The following SCFD2 variants were observed in gnomAD, a reference collection of about 807,000 sequenced individuals.
The protein encoded by SCFD2 is sec1 family domain-containing protein 2.
SCFD2 carries 54 observed loss-of-function variants against 58.9 expected under a neutral mutation model. The observed-to-expected ratio is 0.92, with a 90% CI of 0.74 to 1.15. The LOEUF (loss-of-function observed/expected upper bound fraction) is 1.15, where lower values mean the gene tolerates loss of function less well. Ranked by LOEUF, SCFD2 falls within the 50% of genes most tolerant of loss-of-function variation. SCFD2 has a pLI of 0.00. For missense variants in SCFD2, 805 were observed against 836.6 expected (o/e 0.96, Z 0.47); for synonymous variants, 321 against 335.9 (o/e 0.96, Z 0.49).
At position 53,248,896 on chromosome 4, in the gene SCFD2, G is replaced by A. The variant is rs180997195; in HGVS notation, c.1311+24930C>T. ...AACTCGAAATTCTAAAAAGCAGAGCGCCTCTCCTCCTCCAAAGGAACGCAG... is the reference window on the plus strand; with the variant it reads ...AACTCGAAATTCTAAAAAGCAGAGCACCTCTCCTCCTCCAAAGGAACGCAG... On this transcript the variant is annotated intron_variant, in intron 4 of 8. Coordinates refer to ENST00000401642, the MANE Select transcript of SCFD2 (RefSeq NM_152540.4). 5.1e-3 allele frequency among the ~76,000 whole-genome samples: 779 copies of A among 152,326 alleles called. 2 individuals carry two copies. The highest frequency in any genetic ancestry group is 0.018 in the African/African-American group (746 of 41,570).
chr4:52,937,078 G>A (rs1403768877), intron 5 of SCFD2, among the ~76,000 whole-genome samples: 1 of 152,220 alleles, frequency 6.6e-6, no homozygotes, highest in Non-Finnish European at 1.5e-5. Flanking sequence ...AATGGAGGTA[G>A]GGGATATTTT....
chr4:52,971,248 C>T lies in SCFD2; in HGVS notation c.1562-50378G>A, dbSNP rs575660423. On this transcript the variant is annotated intron_variant, in intron 5 of 8. Coordinates refer to ENST00000401642, the MANE Select transcript of SCFD2 (RefSeq NM_152540.4). ...AAAAGGAGGAAGTTTGAACCCATGG[C>T]AAAGAAGCTAAAAACCTTGAAAAAA... Among the ~76,000 whole-genome samples the T allele has an allele frequency of 2.0e-5, 3 of 152,122 alleles. No homozygotes were observed. In the South Asian group the frequency reaches 6.2e-4, roughly 32 times the overall value.
intron 3 of SCFD2, among the ~76,000 whole-genome samples, chr4:53,303,172 G>A (rs1348499296): frequency 6.6e-6 from 1 of 152,160 alleles, no homozygotes; most frequent in Admixed American, 6.6e-5. Context: ...GCAACCTACA[G>A]AATGGGAGAA....
chr4:52,907,310 G>C (rs1166783071), intron 7 of SCFD2, 147 bp downstream of exon 7: 1 of 763,458 alleles, frequency 1.3e-6, no homozygotes, highest in Non-Finnish European at 2.2e-6. Context: ...ATAATCAAAA[G>C]ATAAAGATTG....
At chr4:53,144,264 C>G (rs1726252386) in intron 5 of SCFD2, among the ~76,000 whole-genome samples, 1 of 150,928 alleles carries the variant, frequency 6.6e-6, no homozygotes, top group East Asian at 1.9e-4. Context: ...CTGGGCAACA[C>G]AGTGAGGCCC....
intron 5 of SCFD2, among the ~76,000 whole-genome samples, chr4:53,007,339 A>AGAGAGAGAGG (rs1721996569): frequency 7.8e-6 from 1 of 128,006 alleles, no homozygotes; most frequent in Non-Finnish European, 1.6e-5. Context: ...AGAGAGGGAG[A>AGAGAGAGAGG]GAGAGAGAGA....
intron 5 of SCFD2, among the ~76,000 whole-genome samples, chr4:52,973,661 T>G (rs2109555398): frequency 6.6e-6 from 1 of 152,330 alleles, no homozygotes; most frequent in South Asian, 2.1e-4. Context: ...CCTCCCTCAC[T>G]CATTTTATGA....
At chr4:53,335,208 A>AC (rs1366649171) in intron 2 of SCFD2, among the ~76,000 whole-genome samples, 87 of 146,798 alleles carry the variant, frequency 5.9e-4, no homozygotes, top group Non-Finnish European at 9.9e-4. Flanking sequence ...AAAAAAAAAA[A>AC]AAAAACAACA....
intron 2 of SCFD2, among the ~76,000 whole-genome samples, chr4:53,344,643 A>G (rs932464110): frequency 6.6e-6 from 1 of 152,196 alleles, no homozygotes; most frequent in Admixed American, 6.6e-5. Context: ...CATTGCCAAG[A>G]CAATCCTAAG....
At chr4:53,147,168 T>C (rs1222132998) in intron 4 of SCFD2, among the ~76,000 whole-genome samples, 2 of 152,216 alleles carry the variant, frequency 1.3e-5, no homozygotes, top group Non-Finnish European at 2.9e-5. Flanking sequence ...AAATTTTTTT[T>C]AATGCTCAAA....
At chr4:53,315,344 T>C (rs780380538) in intron 2 of SCFD2, among the ~76,000 whole-genome samples, 1 of 150,658 alleles carries the variant, frequency 6.6e-6, no homozygotes, top group Non-Finnish European at 1.5e-5. Context: ...CCTAGGAACA[T>C]GACCCTGAGG....
chr4:52,907,277 G>T (rs1385895912), intron 7 of SCFD2, among the ~76,000 whole-genome samples, 180 bp downstream of exon 7: 1 of 152,230 alleles, frequency 6.6e-6, no homozygotes, highest in Non-Finnish European at 1.5e-5. Context: ...GAAGCTGTAT[G>T]ACGCTAACAG....
intron 6 of SCFD2, among the ~76,000 whole-genome samples, chr4:52,913,125 C>G (rs150364037): frequency 6.6e-6 from 1 of 152,282 alleles, no homozygotes; most frequent in Non-Finnish European, 1.5e-5. Context: ...CTCTGGATAT[C>G]CAATGTGGGC....
chr4:53,289,580 C>T (rs1253180248), intron 3 of SCFD2, among the ~76,000 whole-genome samples: 5 of 151,992 alleles, frequency 3.3e-5, no homozygotes, highest in Admixed American at 6.6e-5. Context: ...GATCTAAAAA[C>T]AACCAGAAAA....
intron 2 of SCFD2, among the ~76,000 whole-genome samples, chr4:53,331,863 GA>G (rs1281664275): frequency 2.0e-5 from 3 of 150,332 alleles, no homozygotes; most frequent in South Asian, 2.1e-4. Context: ...GACTAATAAA[GA>G]AAAAAAGAGA....
intron 2 of SCFD2, among the ~76,000 whole-genome samples, chr4:53,315,190 T>C (rs1179145516): frequency 7.7e-6 from 1 of 130,040 alleles, no homozygotes; most frequent in African/African-American, 3.0e-5. Context: ...CAAAGATACA[T>C]AAGCTCTAAA....
intron 7 of SCFD2, among the ~76,000 whole-genome samples, chr4:52,888,215 G>A (rs1032789500): frequency 1.3e-5 from 2 of 152,156 alleles, no homozygotes; most frequent in Non-Finnish European, 2.9e-5. Context: ...GATGCATTAA[G>A]TATTCCAAGT....
chr4:53,217,586 C>G (rs921252174), intron 4 of SCFD2, among the ~76,000 whole-genome samples: 13 of 152,156 alleles, frequency 8.5e-5, no homozygotes, highest in African/African-American at 2.9e-4. Flanking sequence ...TGGGTCTTGA[C>G]TCTTTATCCA....
chr4:53,101,346 A>C (rs1724827679), intron 5 of SCFD2, among the ~76,000 whole-genome samples: 1 of 152,180 alleles, frequency 6.6e-6, no homozygotes, highest in South Asian at 2.1e-4. Context: ...AGAGCAACTC[A>C]GAGTTTTCAG....
Sources: allele counts gnomAD v4.1 joint callset (sites outside exome capture counted in the v4.1 genomes callset), GRCh38; gene constraint gnomAD v4.1.1; transcripts MANE v1.5; gene names NCBI Gene and HGNC (gene_info 2026-07-23, HGNC 2026-07-21).